Variants in CACNA1D observed in about 807,000 individuals in gnomAD.
CACNA1D encodes the protein voltage-dependent L-type calcium channel subunit alpha-1D.
A neutral mutation model predicts 257.1 loss-of-function variants in CACNA1D; 55 were observed. The ratio of observed to expected loss-of-function variants is 0.21; its 90% confidence interval spans 0.17 to 0.27. CACNA1D has a LOEUF of 0.27. Among genes scored for constraint, CACNA1D ranks in the 10% least tolerant of loss-of-function variants. The probability of loss-of-function intolerance (pLI) is 1.00; values close to 1 mark genes in which losing one functional copy is unlikely to be tolerated. For synonymous variants in CACNA1D, 980 were observed against 1,014.9 expected (o/e 0.97, Z 0.65); for missense variants, 1,876 against 2,784.0 (o/e 0.67, Z 7.34).
At chr3:53,525,863 A>G (rs1306987056) in intron 3 of CACNA1D, among the ~76,000 whole-genome samples, 1 of 152,168 alleles carries the variant, frequency 6.6e-6, no homozygotes, top group East Asian at 1.9e-4. Flanking sequence ...TTATTGGCTC[A>G]CATTGCTGGC....
At chr3:53,799,805 AT>A (rs2095526944) in intron 40 of CACNA1D, 1 of 254,608 alleles carries the variant, frequency 3.9e-6, no homozygotes, top group Non-Finnish European at 7.7e-6. Context: ...AGGCTTCCTC[AT>A]CCTAGATGCA....
At position 53,767,565 on chromosome 3, in the gene CACNA1D, C is replaced by CAAAAAAAA. The variant is rs397792487; in HGVS notation, c.3871-2399_3871-2392dup. Among the ~76,000 whole-genome samples, 84 of 130,426 alleles carry CAAAAAAAA rather than the reference C, an allele frequency of 6.4e-4. 3 individuals carry two copies. Among genetic ancestry groups the CAAAAAAAA allele is most frequent in the East Asian group, 5.5e-3 (22 of 4,022 alleles). The allele number at this position is 130,426 out of a possible 152,430, so 85.6% of individuals were successfully genotyped here. Reference sequence around the variant, plus strand: ...TGGGTGACAGAGGGAGACTCTATCTCAAAAAAAAAAAAAAAACAACAAAAT... The same window carrying CAAAAAAAA: ...TGGGTGACAGAGGGAGACTCTATCTCAAAAAAAAAAAAAAAAAAAAAAAACAACAAAAT... On this transcript the variant is annotated intron_variant, in intron 30 of 47. Coordinates refer to ENST00000350061, the MANE Select transcript of CACNA1D (RefSeq NM_001128840.3).
intron 3 of CACNA1D, among the ~76,000 whole-genome samples, chr3:53,538,086 G>A (rs1286282811): frequency 6.9e-6 from 1 of 144,458 alleles, no homozygotes; most frequent in Admixed American, 6.8e-5. Context: ...TATGATTTCT[G>A]TGACATTTAT....
chr3:53,676,723 C>T (rs2094380643), intron 8 of CACNA1D, among the ~76,000 whole-genome samples: 1 of 152,198 alleles, frequency 6.6e-6, no homozygotes, highest in Non-Finnish European at 1.5e-5. Flanking sequence ...CTTTAATCTG[C>T]ACATTGGATT....
intron 3 of CACNA1D, among the ~76,000 whole-genome samples, chr3:53,649,635 AGC>A (rs1308056136): frequency 6.6e-6 from 1 of 152,026 alleles, no homozygotes; most frequent in Non-Finnish European, 1.5e-5. Flanking sequence ...GTGTTTCCTG[AGC>A]CTATTTTATT....
intron 8 of CACNA1D, among the ~76,000 whole-genome samples, chr3:53,678,499 A>G (rs2094397639): frequency 1.3e-5 from 2 of 152,190 alleles, no homozygotes; most frequent in East Asian, 1.9e-4. Flanking sequence ...TTGTATTACT[A>G]TAGGCCTATT....
chr3:53,772,718 G>A lies in CACNA1D; in HGVS notation c.4045-115G>A. 1 of 782,994 alleles carries A rather than the reference G, an allele frequency of 1.3e-6. No homozygotes were observed. The highest frequency in any genetic ancestry group is 2.3e-6 in the Non-Finnish European group (1 of 439,884). 48.5% of individuals were successfully genotyped at this position (782,994 alleles called of 1,614,324 possible). On this transcript the variant is annotated intron_variant, in intron 32 of 47. Transcript: ENST00000350061. ...TTCCTCACTGTCGATATTCTTTCAC[G>A]GTAACACGTGGAATAGAAAGGAAGC...
intron 40 of CACNA1D, chr3:53,790,910 T>G (rs1576676925): frequency 2.9e-6 from 2 of 687,428 alleles, no homozygotes; most frequent in East Asian, 5.4e-5. Context: ...TTAAATTTTT[T>G]TCTTTTTTTA....
intron 45 of CACNA1D, 156 bp downstream of exon 45, chr3:53,805,302 C>A: frequency 1.5e-6 from 1 of 686,890 alleles, no homozygotes; most frequent in East Asian, 2.6e-5. Context: ...GTCTGCTTTC[C>A]TTCCTTTCTC....
chr3:53,607,492 G>A (rs2093527098), intron 3 of CACNA1D, among the ~76,000 whole-genome samples: 1 of 152,350 alleles, frequency 6.6e-6, no homozygotes. Flanking sequence ...TGACTTTGAA[G>A]ACAGGGAAAG....
chr3:53,741,582 C>T (rs559355995), intron 21 of CACNA1D, among the ~76,000 whole-genome samples: 47 of 152,162 alleles, frequency 3.1e-4, no homozygotes, highest in African/African-American at 1.0e-3. Flanking sequence ...GCCTTTAAGC[C>T]GATGAATTTG....
chr3:53,500,720 T>G (rs2090564999), intron 2 of CACNA1D, among the ~76,000 whole-genome samples: 1 of 152,216 alleles, frequency 6.6e-6, no homozygotes, highest in African/African-American at 2.4e-5. Flanking sequence ...AAAACAATCA[T>G]TTTGGCAGAT....
intron 7 of CACNA1D, among the ~76,000 whole-genome samples, chr3:53,668,957 C>G (rs1415045287): frequency 1.3e-5 from 2 of 152,182 alleles, no homozygotes; most frequent in African/African-American, 4.8e-5. Context: ...TAAAAGCATA[C>G]AGCAAGCTAG....
chr3:53,580,455 A>G (rs183284850), intron 3 of CACNA1D, among the ~76,000 whole-genome samples: 22 of 152,360 alleles, frequency 1.4e-4, no homozygotes, highest in African/African-American at 4.6e-4. Flanking sequence ...TGCATCTCCC[A>G]TCGTACCAAG....
intron 3 of CACNA1D, among the ~76,000 whole-genome samples, chr3:53,566,904 G>A (rs1559851551): frequency 1.3e-5 from 2 of 152,162 alleles, no homozygotes; most frequent in Non-Finnish European, 1.5e-5. Context: ...TTCCTTCAGG[G>A]CTCGGACTGA....
intron 9 of CACNA1D, among the ~76,000 whole-genome samples, chr3:53,704,201 G>C (rs932902680): frequency 1.3e-5 from 2 of 152,152 alleles, no homozygotes; most frequent in Non-Finnish European, 2.9e-5. Flanking sequence ...GACCCCTGGT[G>C]GAGAGGCTTC....
chr3:53,738,752 T>C (rs1442182784), intron 20 of CACNA1D, among the ~76,000 whole-genome samples: 1 of 152,002 alleles, frequency 6.6e-6, no homozygotes, highest in Non-Finnish European at 1.5e-5. Context: ...TTAGCCGAAT[T>C]CTTAGTTTAA....
chr3:53,509,084 T>G (rs1389511607), intron 3 of CACNA1D, among the ~76,000 whole-genome samples: 1 of 152,064 alleles, frequency 6.6e-6, no homozygotes. Flanking sequence ...ATAAGGAGAG[T>G]GGTGGAGGCG....
chr3:53,563,961 C>T (rs2092787484), intron 3 of CACNA1D, among the ~76,000 whole-genome samples: 1 of 152,050 alleles, frequency 6.6e-6, no homozygotes, highest in Admixed American at 6.5e-5. Context: ...AGTTGTTTTC[C>T]AAGGGGTTAT....
Sources: allele counts gnomAD v4.1 joint callset (sites outside exome capture counted in the v4.1 genomes callset), GRCh38; gene constraint gnomAD v4.1.1; transcripts MANE v1.5; gene names NCBI Gene and HGNC (gene_info 2026-07-23, HGNC 2026-07-21).